Variants in TNFAIP8 observed in about 807,000 individuals in gnomAD.
TNFAIP8 encodes tumor necrosis factor alpha-induced protein 8.
Under a neutral mutation model 13.3 loss-of-function variants are expected in TNFAIP8, and 7 were observed. That is an observed-to-expected ratio of 0.52 (90% CI 0.30 to 0.99). The LOEUF (loss-of-function observed/expected upper bound fraction) is 0.99. TNFAIP8 is among the 50% of genes least tolerant of loss of function. TNFAIP8 has a pLI of 0.07. For synonymous variants in TNFAIP8, 94 were observed against 87.6 expected, an observed-to-expected ratio of 1.07 and a Z score of -0.41; for missense variants, 258 against 236.9, an observed-to-expected ratio of 1.09 and a Z score of -0.58.
At chr5:119,325,759 T>G (rs1333853347) in intron 1 of TNFAIP8, among the ~76,000 whole-genome samples, 2 of 152,182 alleles carry the variant, frequency 1.3e-5, no homozygotes, top group African/African-American at 4.8e-5. Context: ...CCCAGCTGCT[T>G]CTTACAGCTT....
intron 1 of TNFAIP8, among the ~76,000 whole-genome samples, chr5:119,316,953 G>A (rs951806884): frequency 1.3e-5 from 2 of 152,168 alleles, no homozygotes; most frequent in African/African-American, 4.8e-5. Context: ...AATTATGTGG[G>A]CCAAAATATC....
At chr5:119,378,206 G>A (rs952335311) in intron 1 of TNFAIP8, among the ~76,000 whole-genome samples, 12 of 152,174 alleles carry the variant, frequency 7.9e-5, no homozygotes, top group Non-Finnish European at 1.5e-4. Flanking sequence ...TAAATAAAAC[G>A]GGGATGCCTG....
chr5:119,343,332 T>C (rs896183089), intron 1 of TNFAIP8, among the ~76,000 whole-genome samples: 16 of 152,250 alleles, frequency 1.1e-4, no homozygotes, highest in East Asian at 7.7e-4. Flanking sequence ...ATTTTTTTCT[T>C]GGCTCCTTTT....
chr5:119,335,235 T>C (rs1161970853), intron 1 of TNFAIP8, among the ~76,000 whole-genome samples: 2 of 152,160 alleles, frequency 1.3e-5, no homozygotes, highest in African/African-American at 4.8e-5. Context: ...AACTCTAGTG[T>C]GATATCCTGG....
chr5:119,330,084 A>C (rs1750326557), intron 1 of TNFAIP8, among the ~76,000 whole-genome samples: 1 of 152,120 alleles, frequency 6.6e-6, no homozygotes, highest in Non-Finnish European at 1.5e-5. Context: ...GGGAAGCTAT[A>C]ATTAGCGCCA....
intron 1 of TNFAIP8, among the ~76,000 whole-genome samples, chr5:119,294,495 C>T (rs1446857376): frequency 5.9e-5 from 9 of 152,070 alleles, no homozygotes; most frequent in African/African-American, 1.2e-4. Context: ...TGAATAGTGC[C>T]GCAATAAACA....
chr5:119,392,689 T>C (rs1580455008), intron 1 of TNFAIP8, 127 bp from the exon 2 acceptor site: 1 of 1,131,604 alleles, frequency 8.8e-7, no homozygotes, highest in East Asian at 2.6e-5. Flanking sequence ...TGTCGGTAGA[T>C]GTAAGACAAA....
At chr5:119,273,690 A>G (rs551815559) in intron 1 of TNFAIP8, among the ~76,000 whole-genome samples, 7 of 152,340 alleles carry the variant, frequency 4.6e-5, no homozygotes, top group Admixed American at 1.3e-4. Context: ...GAATGAAACC[A>G]GATTATTTAA....
intron 1 of TNFAIP8, among the ~76,000 whole-genome samples, chr5:119,334,238 G>A (rs1750475720): frequency 6.6e-6 from 1 of 151,444 alleles, no homozygotes; most frequent in Non-Finnish European, 1.5e-5. Flanking sequence ...GCTCCCACAA[G>A]TAGACTTAAT....
chr5:119,300,168 A>T (rs1457146395), intron 1 of TNFAIP8, among the ~76,000 whole-genome samples: 1 of 152,206 alleles, frequency 6.6e-6, no homozygotes, highest in Non-Finnish European at 1.5e-5. Flanking sequence ...CTGGTACCTC[A>T]GATGGAAATG....
chr5:119,330,664 G>T (rs1750348906), intron 1 of TNFAIP8, among the ~76,000 whole-genome samples: 2 of 152,180 alleles, frequency 1.3e-5, no homozygotes, highest in South Asian at 4.1e-4. Flanking sequence ...AGAGTGAAAT[G>T]ATGTAAGTGA....
At chr5:119,343,050 G>A (rs1562008969) in intron 1 of TNFAIP8, among the ~76,000 whole-genome samples, 1 of 152,198 alleles carries the variant, frequency 6.6e-6, no homozygotes, top group Non-Finnish European at 1.5e-5. Context: ...CGCTGCTGGT[G>A]TCTTGCTTGC....
intron 1 of TNFAIP8, among the ~76,000 whole-genome samples, chr5:119,325,053 G>A (rs755942565): frequency 1.3e-5 from 2 of 151,644 alleles, no homozygotes; most frequent in Non-Finnish European, 2.9e-5. Context: ...GGCCAACATA[G>A]CAAGACCCTG....
chr5:119,355,285 T>C (rs1751341311), upstream of TNFAIP8: 1 of 701,162 alleles, frequency 1.4e-6, no homozygotes. Context: ...AGGAAGGCCC[T>C]TTGGAGTAAC....
upstream of TNFAIP8, chr5:119,355,904 C>G: frequency 1.5e-6 from 2 of 1,295,282 alleles, no homozygotes; most frequent in Non-Finnish European, 2.0e-6. Context: ...ATTCGTCACT[C>G]TTGCAGAACT....
chr5:119,321,208 C>T (rs1399394759), intron 1 of TNFAIP8, among the ~76,000 whole-genome samples: 1 of 152,086 alleles, frequency 6.6e-6, no homozygotes, highest in Non-Finnish European at 1.5e-5. Context: ...CACCGTGAGA[C>T]TCCATCTCAA....
At chr5:119,331,933 G>T (rs563417248) in intron 1 of TNFAIP8, among the ~76,000 whole-genome samples, 17 of 152,310 alleles carry the variant, frequency 1.1e-4, no homozygotes, top group African/African-American at 4.1e-4. Context: ...TTGTGATTTA[G>T]GGTCCTGCAC....
At chr5:119,324,274 C>CAAAAAAAAA (rs56104829) in intron 1 of TNFAIP8, among the ~76,000 whole-genome samples, 26 of 77,660 alleles carry the variant, frequency 3.3e-4, no homozygotes, top group African/African-American at 4.4e-4. Context: ...GACGCCATCT[C>CAAAAAAAAA]AAAAAAAAAA....
At chr5:119,372,661 T>TA (rs1562025859) in intron 1 of TNFAIP8, among the ~76,000 whole-genome samples, 1 of 152,198 alleles carries the variant, frequency 6.6e-6, no homozygotes, top group African/African-American at 2.4e-5. Context: ...AACATTTTTT[T>TA]AAAAAATTAT....
Sources: gnomAD v4.1 joint callset for allele counts (sites outside exome capture counted in the v4.1 genomes callset) on GRCh38, gnomAD v4.1.1 for gene constraint, MANE v1.5 for transcripts, NCBI Gene and HGNC (gene_info 2026-07-23, HGNC 2026-07-21) for gene names.